DENND5B: variants seen among roughly 807,000 people sequenced by gnomAD.
The protein encoded by DENND5B is DENN domain containing 5B.
Under a neutral mutation model 140.6 loss-of-function variants are expected in DENND5B, and 34 were observed. That is an observed-to-expected ratio of 0.24 (90% CI 0.18 to 0.32). The LOEUF is 0.32. DENND5B is among the 10% of genes least tolerant of loss of function. The probability of loss-of-function intolerance (pLI) is 1.00; values close to 1 mark genes in which losing one functional copy is unlikely to be tolerated. For synonymous variants in DENND5B, 551 were observed against 562.1 expected (o/e 0.98, Z 0.28); for missense variants, 1,142 against 1,560.2 (o/e 0.73, Z 4.52).
chr12:31,462,654 C>T (rs779962647), intron 3 of DENND5B, among the ~76,000 whole-genome samples: 4 of 151,936 alleles, frequency 2.6e-5, no homozygotes, highest in Non-Finnish European at 4.4e-5. Context: ...CAACAGAATC[C>T]TAACAAAATA....
At chr12:31,492,749 G>A (rs959960545) in intron 2 of DENND5B, among the ~76,000 whole-genome samples, 2 of 152,078 alleles carry the variant, frequency 1.3e-5, no homozygotes, top group African/African-American at 4.8e-5. Flanking sequence ...TTTTGTCACT[G>A]CTGTTCAACT....
intron 19 of DENND5B, among the ~76,000 whole-genome samples, chr12:31,391,569 C>T (rs1941147121): frequency 6.6e-6 from 1 of 152,156 alleles, no homozygotes; most frequent in African/African-American, 2.4e-5. Context: ...TCTTGAGCAA[C>T]TCAAATACTA....
In DENND5B at chr12:31,571,028, G is replaced by A. The variant is rs191854726; in HGVS notation, c.127+19678C>T. On this transcript the variant is annotated intron_variant, in intron 1 of 20. Transcript: ENST00000389082. ...AAAAGGGAAACTGCAAGCATTCTCC[G>A]CATTCTCGGCTGCAAGTGCCAGCAC... Among the ~76,000 whole-genome samples, 99 of 152,176 alleles carry A rather than the reference G, an allele frequency of 6.5e-4. 1 individual carries two copies. Among genetic ancestry groups the A allele is most frequent in the Non-Finnish European group, 1.1e-3 (72 of 68,030 alleles).
At chr12:31,561,355 G>A (rs1453828977) in intron 1 of DENND5B, among the ~76,000 whole-genome samples, 1 of 152,170 alleles carries the variant, frequency 6.6e-6, no homozygotes, top group Non-Finnish European at 1.5e-5. Context: ...CAAGCGTGGT[G>A]GCACACACCT....
At chr12:31,433,317 CAA>C (rs1943601289) in intron 7 of DENND5B, 69 bp from the exon 8 acceptor site, 1 of 1,323,968 alleles carries the variant, frequency 7.6e-7, no homozygotes, top group Non-Finnish European at 1.0e-6. Context: ...CCATTCAACA[CAA>C]AAGACTGACA....
At chr12:31,396,440 GATT>G (rs1425694789) in intron 17 of DENND5B, 1 of 151,880 alleles carries the variant, frequency 6.6e-6, no homozygotes, top group Non-Finnish European at 1.5e-5. Flanking sequence ...ATACAGAGAA[GATT>G]ATTAGCATGG....
At chr12:31,496,505 T>G (rs536614378) in intron 1 of DENND5B, among the ~76,000 whole-genome samples, 2 of 152,168 alleles carry the variant, frequency 1.3e-5, no homozygotes, top group Non-Finnish European at 2.9e-5. Context: ...AAATGAGCTA[T>G]CCTAAGTTAA....
chr12:31,413,653 A>T, intron 12 of DENND5B, 89 bp from the exon 13 acceptor site: 1 of 1,403,022 alleles, frequency 7.1e-7, no homozygotes, highest in South Asian at 1.6e-5. Context: ...CTGGGCACAG[A>T]AAGGTTTATA....
At chr12:31,580,420 T>C (rs1950177353) in intron 1 of DENND5B, among the ~76,000 whole-genome samples, 1 of 152,206 alleles carries the variant, frequency 6.6e-6, no homozygotes, top group Non-Finnish European at 1.5e-5. Flanking sequence ...ATCCATTATC[T>C]TGCTTTTTCA....
chr12:31,590,314 C>G (rs1467794544), intron 1 of DENND5B: 1 of 154,982 alleles, frequency 6.5e-6, no homozygotes, highest in East Asian at 1.9e-4. Flanking sequence ...ACTTCGCGGC[C>G]GGGGCCGGGT....
chr12:31,479,302 T>C (rs1401973721), intron 3 of DENND5B, among the ~76,000 whole-genome samples: 3 of 152,236 alleles, frequency 2.0e-5, no homozygotes, highest in Non-Finnish European at 2.9e-5. Flanking sequence ...ATGACGATTA[T>C]ATATTATCAG....
intron 3 of DENND5B, among the ~76,000 whole-genome samples, chr12:31,471,660 C>T (rs1008060462): frequency 1.3e-5 from 2 of 152,100 alleles, no homozygotes; most frequent in South Asian, 4.2e-4. Flanking sequence ...AAGTATCATC[C>T]ACTTCCTGAT....
intron 15 of DENND5B, among the ~76,000 whole-genome samples, chr12:31,401,977 C>T (rs1368274715): frequency 6.7e-6 from 1 of 149,752 alleles, no homozygotes; most frequent in African/African-American, 2.5e-5. Flanking sequence ...GGTCTAAAAC[C>T]AGTAAGCAGA....
At chr12:31,438,612 A>G (rs557563490) in intron 7 of DENND5B, among the ~76,000 whole-genome samples, 1 of 152,346 alleles carries the variant, frequency 6.6e-6, no homozygotes, top group Admixed American at 6.5e-5. Context: ...AAACACATTA[A>G]GATTCTGAAA....
chr12:31,587,527 T>G (rs997603896), intron 1 of DENND5B, among the ~76,000 whole-genome samples: 189 of 5,852 alleles, frequency 0.032, no homozygotes, highest in Admixed American at 0.078. Flanking sequence ...CACAAATACC[T>G]TTTTTTTTTT....
At position 31,522,402 on chromosome 12, in the gene DENND5B, T is replaced by C. The variant is rs544050624; in HGVS notation, c.128-26483A>G. Among the ~76,000 whole-genome samples, 3 of 152,348 alleles carry C rather than the reference T, an allele frequency of 2.0e-5. No homozygotes were observed. The East Asian group carries it at 5.8e-4, about 29-fold the overall frequency. ...ATCCCAATTTCCTAGGTGAGGTAAATATCAAAGAGGTTCTAACTAGTTCAA... is the reference window on the plus strand; with the variant it reads ...ATCCCAATTTCCTAGGTGAGGTAAACATCAAAGAGGTTCTAACTAGTTCAA... On this transcript the variant is annotated intron_variant, in intron 1 of 20. Transcript: ENST00000389082.
At chr12:31,554,677 C>T (rs1472869619) in intron 1 of DENND5B, among the ~76,000 whole-genome samples, 4 of 152,200 alleles carry the variant, frequency 2.6e-5, no homozygotes, top group East Asian at 1.9e-4. Context: ...CCATTCTCCC[C>T]GTCACTTTCA....
intron 2 of DENND5B, among the ~76,000 whole-genome samples, chr12:31,483,217 C>G (rs1671367780): frequency 6.6e-6 from 1 of 152,186 alleles, no homozygotes; most frequent in Non-Finnish European, 1.5e-5. Flanking sequence ...TCTCCTTGAA[C>G]CTGGGTGGGC....
At position 31,382,921 on chromosome 12, in the gene DENND5B, G is replaced by T. The variant is rs1225595886; in HGVS notation, c.*4682C>A. ...ATAAATTTATTTTAATAGGAATAAA[G>T]GACCTAGTAGTTTATTATCCTTTTC... On this transcript the variant is annotated 3_prime_UTR_variant, in exon 21 of 21. Transcript: ENST00000389082. 1 of 152,020 alleles carries T rather than the reference G, an allele frequency of 6.6e-6. No homozygotes were observed. The highest frequency in any genetic ancestry group is 1.9e-4 in the East Asian group (1 of 5,196). The allele number at this position is 152,020 out of a possible 1,614,324, so 9.4% of individuals were successfully genotyped here.
Sources: allele counts gnomAD v4.1 joint callset (sites outside exome capture counted in the v4.1 genomes callset), GRCh38; gene constraint gnomAD v4.1.1; transcripts MANE v1.5; gene names NCBI Gene and HGNC (gene_info 2026-07-23, HGNC 2026-07-21).